PCDH9: variants seen among roughly 807,000 people sequenced by gnomAD.
PCDH9 encodes the protein protocadherin 9, also known as protocadherin-9.
In PCDH9, 24 loss-of-function variants were observed where a neutral mutation model predicts 70.6. That is an observed-to-expected ratio of 0.34 (90% CI 0.25 to 0.48). The LOEUF (loss-of-function observed/expected upper bound fraction) is 0.48, where lower values mean the gene tolerates loss of function less well. Ranked by LOEUF, PCDH9 falls within the 20% of genes least tolerant of loss-of-function variation. The pLI, the probability that PCDH9 is intolerant of heterozygous loss-of-function variation, is 0.99. For synonymous variants in PCDH9, 562 were observed against 558.5 expected, an observed-to-expected ratio of 1.01 and a Z score of -0.09; for missense variants, 1,281 against 1,503.6, an observed-to-expected ratio of 0.85 and a Z score of 2.45.
chr13:66,745,521 A>C (rs966119244), intron 3 of PCDH9, among the ~76,000 whole-genome samples: 1 of 152,132 alleles, frequency 6.6e-6, no homozygotes, highest in Non-Finnish European at 1.5e-5. Context: ...TGATTTTTTC[A>C]TGTTGAATTA....
At chr13:66,882,777 G>A (rs2081942702) in intron 3 of PCDH9, among the ~76,000 whole-genome samples, 1 of 152,102 alleles carries the variant, frequency 6.6e-6, no homozygotes. Context: ...TTTATAGGAG[G>A]ATGTTTACAA....
chr13:66,544,933 A>G (rs889835394), intron 4 of PCDH9, among the ~76,000 whole-genome samples: 1 of 152,146 alleles, frequency 6.6e-6, no homozygotes, highest in African/African-American at 2.4e-5. Flanking sequence ...TGAACAGAAA[A>G]CAAGTCTTGC....
chr13:66,548,570 T>TA (rs1961325098), intron 4 of PCDH9, among the ~76,000 whole-genome samples: 1 of 151,808 alleles, frequency 6.6e-6, no homozygotes, highest in African/African-American at 2.4e-5. Flanking sequence ...ATCTCAAAAA[T>TA]AAAAATTAAA....
At chr13:67,025,626 C>CATTTCAAAAATA (rs1266080914) in intron 2 of PCDH9, among the ~76,000 whole-genome samples, 1 of 152,012 alleles carries the variant, frequency 6.6e-6, no homozygotes, top group Non-Finnish European at 1.5e-5. Flanking sequence ...AAAGTCATTC[C>CATTTCAAAAATA]ATTTCAAAAA....
chr13:66,321,125 T>C (rs1026500404), intron 4 of PCDH9, among the ~76,000 whole-genome samples: 4 of 151,984 alleles, frequency 2.6e-5, no homozygotes, highest in Non-Finnish European at 5.9e-5. Context: ...AAGCAAACTG[T>C]AAATATATAC....
At position 66,824,303 on chromosome 13, in the gene PCDH9, G is replaced by GTATA. The variant is rs60742942; in HGVS notation, c.3138+79197_3138+79200dup. Reference sequence around the variant, plus strand: ...AAATTTTGCCCTCATTTGTTTGAAAGTATATATATATATATATATATATAT... The same window carrying GTATA: ...AAATTTTGCCCTCATTTGTTTGAAAGTATATATATATATATATATATATATATAT... On this transcript the variant is annotated intron_variant, in intron 3 of 4. Coordinates refer to ENST00000377865, the MANE Select transcript of PCDH9 (RefSeq NM_203487.3). Among the ~76,000 whole-genome samples, 216 of 128,294 alleles carry GTATA rather than the reference G, an allele frequency of 1.7e-3. 1 individual carries two copies. The highest frequency in any genetic ancestry group is 3.3e-3 in the East Asian group (14 of 4,200). 84.2% of individuals were successfully genotyped at this position (128,294 alleles called of 152,430 possible).
intron 2 of PCDH9, among the ~76,000 whole-genome samples, chr13:67,139,416 G>A (rs1395222805): frequency 6.6e-6 from 1 of 152,132 alleles, no homozygotes; most frequent in Admixed American, 6.6e-5. Flanking sequence ...CAGCACAGAA[G>A]TTACCAATGA....
intron 4 of PCDH9, among the ~76,000 whole-genome samples, chr13:66,625,825 T>A (rs1054127138): frequency 2.0e-5 from 3 of 151,946 alleles, no homozygotes; most frequent in Admixed American, 2.0e-4. Flanking sequence ...CACACCTGGC[T>A]CATTTTTTTT....
At chr13:66,537,212 C>T (rs768669017) in intron 4 of PCDH9, among the ~76,000 whole-genome samples, 1 of 151,992 alleles carries the variant, frequency 6.6e-6, no homozygotes. Context: ...CATGAGCACC[C>T]CTGAGTCTTC....
At chr13:67,081,476 G>A (rs1270248137) in intron 2 of PCDH9, among the ~76,000 whole-genome samples, 1 of 152,164 alleles carries the variant, frequency 6.6e-6, no homozygotes, top group Non-Finnish European at 1.5e-5. Context: ...GCTGAGGCAG[G>A]AGAATTGTTT....
intron 2 of PCDH9, among the ~76,000 whole-genome samples, chr13:67,041,458 C>T (rs1284909219): frequency 6.6e-6 from 1 of 152,114 alleles, no homozygotes; most frequent in Non-Finnish European, 1.5e-5. Flanking sequence ...TACTTTCTCT[C>T]CCTGAAGCTG....
At chr13:66,634,787 C>T (rs2077616178) in intron 3 of PCDH9, among the ~76,000 whole-genome samples, 1 of 151,854 alleles carries the variant, frequency 6.6e-6, no homozygotes, top group Admixed American at 6.6e-5. Flanking sequence ...TTCCCTTATC[C>T]CCCACCCCCT....
chr13:66,661,027 AAAT>A (rs1278550682), intron 3 of PCDH9, among the ~76,000 whole-genome samples: 1 of 152,216 alleles, frequency 6.6e-6, no homozygotes, highest in African/African-American at 2.4e-5. Flanking sequence ...TATCAGTTTA[AAAT>A]AATAATTTAA....
intron 3 of PCDH9, among the ~76,000 whole-genome samples, chr13:66,870,445 C>G (rs2081656240): frequency 6.6e-6 from 1 of 152,082 alleles, no homozygotes; most frequent in African/African-American, 2.4e-5. Context: ...TCAGAGTGAA[C>G]AGGCAACCTA....
At chr13:66,750,066 ATCTC>A (rs888216770) in intron 3 of PCDH9, among the ~76,000 whole-genome samples, 14 of 152,196 alleles carry the variant, frequency 9.2e-5, no homozygotes, top group African/African-American at 3.4e-4. Context: ...GTTTATTTCA[ATCTC>A]TCTCTCACAC....
intron 3 of PCDH9, among the ~76,000 whole-genome samples, chr13:66,690,551 A>T (rs1402628635): frequency 1.3e-5 from 2 of 152,086 alleles, no homozygotes; most frequent in Non-Finnish European, 2.9e-5. Context: ...AGTACAGAAT[A>T]AAAAAAGGCT....
rs139331846 is a variant in PCDH9 at position 66,632,704 on chromosome 13, G to C, written c.3139-1293C>G. Among the ~76,000 whole-genome samples, 636 of 152,148 alleles carry C rather than the reference G, an allele frequency of 4.2e-3. 20 individuals carry two copies. In the East Asian group the frequency reaches 0.081, roughly 19 times the overall value. On this transcript the variant is annotated intron_variant, in intron 3 of 4. Transcript: ENST00000377865. ...CTGAGAATATTTATAATTATGTGGG[G>C]TGGAGATTTAGGCCTTAGAGAATTG...
chr13:66,728,934 G>C (rs1412412591), intron 3 of PCDH9, among the ~76,000 whole-genome samples: 2 of 151,820 alleles, frequency 1.3e-5, no homozygotes, highest in Non-Finnish European at 2.9e-5. Context: ...CTTTCACATA[G>C]TTTCTGTCCA....
intron 3 of PCDH9, among the ~76,000 whole-genome samples, chr13:66,637,516 A>G (rs1047210860): frequency 6.6e-6 from 1 of 152,230 alleles, no homozygotes; most frequent in African/African-American, 2.4e-5. Flanking sequence ...TTGTAACTCA[A>G]AAACTGAGTT....
Sources: allele counts gnomAD v4.1 joint callset (sites outside exome capture counted in the v4.1 genomes callset), GRCh38; gene constraint gnomAD v4.1.1; transcripts MANE v1.5; gene names NCBI Gene and HGNC (gene_info 2026-07-23, HGNC 2026-07-21).